The following TRPM3 variants were observed in gnomAD, a reference collection of about 807,000 sequenced individuals.
The protein encoded by TRPM3 is transient receptor potential cation channel subfamily M member 3, also known as long transient receptor potential channel 3.
A neutral mutation model predicts 181.2 loss-of-function variants in TRPM3; 77 were observed. The observed-to-expected ratio is 0.42, with a 90% confidence interval of 0.35 to 0.51. The LOEUF (loss-of-function observed/expected upper bound fraction) is 0.51, where lower values mean the gene tolerates loss of function less well. Among genes scored for constraint, TRPM3 ranks in the 20% least tolerant of loss-of-function variants. The probability of loss-of-function intolerance (pLI) is 0.01; values close to 1 mark genes in which losing one functional copy is unlikely to be tolerated. For missense variants in TRPM3, 1,759 were observed against 2,196.7 expected (o/e 0.80, Z 3.98); for synonymous variants, 745 against 796.4 (o/e 0.94, Z 1.09).
intron 12 of TRPM3, among the ~76,000 whole-genome samples, chr9:70,628,548 G>A (rs1339039247): frequency 1.3e-5 from 2 of 152,074 alleles, no homozygotes; most frequent in Non-Finnish European, 2.9e-5. Flanking sequence ...AAAATTTTAA[G>A]TGTGGGCTCA....
chr9:71,104,517 C>A (rs2069079328), intron 1 of TRPM3, among the ~76,000 whole-genome samples: 1 of 152,094 alleles, frequency 6.6e-6, no homozygotes, highest in Non-Finnish European at 1.5e-5. Flanking sequence ...TTAAACTGTT[C>A]CTGCTTTATT....
intron 1 of TRPM3, among the ~76,000 whole-genome samples, chr9:71,031,999 A>T (rs1429393171): frequency 2.3e-3 from 4 of 1,708 alleles, no homozygotes; most frequent in African/African-American, 0.01. Flanking sequence ...ATATATATAT[A>T]ATTATATAAT....
chr9:70,969,359 C>T (rs2097215843), intron 1 of TRPM3, among the ~76,000 whole-genome samples: 1 of 151,886 alleles, frequency 6.6e-6, no homozygotes, highest in Non-Finnish European at 1.5e-5. Flanking sequence ...ACCACCATGT[C>T]ACGTGTACAC....
At chr9:71,416,176 A>C (rs1442358655) in intron 1 of TRPM3, among the ~76,000 whole-genome samples, 1 of 151,838 alleles carries the variant, frequency 6.6e-6, no homozygotes, top group African/African-American at 2.4e-5. Context: ...TAAAAGTTGT[A>C]AATCAGTGGA....
At chr9:70,672,220 T>C (rs2063105232) in intron 9 of TRPM3, among the ~76,000 whole-genome samples, 1 of 152,164 alleles carries the variant, frequency 6.6e-6, no homozygotes, top group South Asian at 2.1e-4. Flanking sequence ...TCAATTCCCC[T>C]GCCACAGTGA....
At chr9:70,767,033 A>T (rs763536831) in intron 7 of TRPM3, among the ~76,000 whole-genome samples, 5 of 152,270 alleles carry the variant, frequency 3.3e-5, no homozygotes, top group Non-Finnish European at 5.9e-5. Flanking sequence ...TTATTCAGAG[A>T]GTCCTACGAT....
At chr9:70,971,223 C>A (rs955076956) in intron 1 of TRPM3, among the ~76,000 whole-genome samples, 9 of 152,168 alleles carry the variant, frequency 5.9e-5, no homozygotes, top group Admixed American at 2.0e-4. Context: ...TACTTAACCA[C>A]TGGTTTCTTT....
intron 9 of TRPM3, among the ~76,000 whole-genome samples, chr9:70,678,062 G>C (rs2064478351): frequency 6.6e-6 from 1 of 151,872 alleles, no homozygotes; most frequent in African/African-American, 2.4e-5. Flanking sequence ...GAATATCCTG[G>C]TGTGTGTGGC....
intron 1 of TRPM3, among the ~76,000 whole-genome samples, chr9:71,265,041 A>G (rs895577606): frequency 2.0e-5 from 3 of 152,218 alleles, no homozygotes; most frequent in African/African-American, 2.4e-5. Context: ...AGATATCTTT[A>G]TAAGTATGAA....
intron 1 of TRPM3, among the ~76,000 whole-genome samples, chr9:70,975,387 T>C (rs905393232): frequency 2.0e-5 from 3 of 152,218 alleles, no homozygotes; most frequent in Admixed American, 6.5e-5. Flanking sequence ...TGACCATCTC[T>C]AATGTTGTGA....
At chr9:70,584,177 C>G (rs1187863650) in intron 22 of TRPM3, among the ~76,000 whole-genome samples, 3 of 152,088 alleles carry the variant, frequency 2.0e-5, no homozygotes, top group Non-Finnish European at 4.4e-5. Context: ...AATGCATGAG[C>G]CACTGTGCCT....
intron 1 of TRPM3, among the ~76,000 whole-genome samples, chr9:71,337,822 T>C (rs1018049895): frequency 2.0e-5 from 3 of 152,062 alleles, no homozygotes; most frequent in African/African-American, 7.2e-5. Flanking sequence ...CTCAGCAAAC[T>C]AACACAGGAA....
chr9:71,223,192 C>A (rs2080352232), intron 1 of TRPM3, among the ~76,000 whole-genome samples: 1 of 152,120 alleles, frequency 6.6e-6, no homozygotes, highest in Admixed American at 6.5e-5. Flanking sequence ...GGTAAGAGGA[C>A]TTTGTCTTGA....
chr9:71,066,912 C>A (rs1008386440), intron 1 of TRPM3, among the ~76,000 whole-genome samples: 5 of 152,148 alleles, frequency 3.3e-5, no homozygotes, highest in African/African-American at 1.2e-4. Flanking sequence ...TTATAAGCTA[C>A]ACATTCATAA....
At chr9:70,827,231 C>T (rs1015888557) in intron 6 of TRPM3, 1 of 152,184 alleles carries the variant, frequency 6.6e-6, no homozygotes, top group Non-Finnish European at 1.5e-5. Context: ...CTTTGAAATG[C>T]CTTTGCACAG....
In TRPM3 at chr9:70,754,084, C is replaced by T. The variant is rs529303962; in HGVS notation, c.1272+7517G>A. ...CCCCAGTCTGGGGTTGGTGGTTTGGCAGTGGCGATAGAGGAAGGCTTCTGC... is the reference window on the plus strand; with the variant it reads ...CCCCAGTCTGGGGTTGGTGGTTTGGTAGTGGCGATAGAGGAAGGCTTCTGC... On this transcript the variant is annotated intron_variant, in intron 8 of 25. Coordinates refer to ENST00000677713, the MANE Select transcript of TRPM3 (RefSeq NM_001366145.2). Among the ~76,000 whole-genome samples the T allele has an allele frequency of 1.2e-4, 19 of 152,234 alleles. No individual in the cohort carries two copies. In the South Asian group the frequency reaches 3.7e-3, roughly 30 times the overall value.
At chr9:71,049,434 A>G (rs920241652) in intron 1 of TRPM3, among the ~76,000 whole-genome samples, 1 of 152,184 alleles carries the variant, frequency 6.6e-6, no homozygotes, top group Non-Finnish European at 1.5e-5. Flanking sequence ...ATACTCTCCA[A>G]AATATATTGT....
At chr9:70,766,791 A>G (rs981826931) in intron 7 of TRPM3, among the ~76,000 whole-genome samples, 1 of 152,226 alleles carries the variant, frequency 6.6e-6, no homozygotes, top group African/African-American at 2.4e-5. Flanking sequence ...GGCAGGAAGC[A>G]TTGTTAACAA....
intron 25 of TRPM3, among the ~76,000 whole-genome samples, chr9:70,548,992 A>AT (rs1050245072): frequency 4.6e-4 from 70 of 150,692 alleles, no homozygotes; most frequent in South Asian, 2.1e-3. Flanking sequence ...TGCTTTTATT[A>AT]TTTTTTTTTG....
Sources: gnomAD v4.1 joint callset for allele counts (sites outside exome capture counted in the v4.1 genomes callset) on GRCh38, gnomAD v4.1.1 for gene constraint, MANE v1.5 for transcripts, NCBI Gene and HGNC (gene_info 2026-07-23, HGNC 2026-07-21) for gene names.